The following KCNU1 variants were observed in gnomAD, a reference collection of about 807,000 sequenced individuals.
The protein encoded by KCNU1 is potassium channel subfamily U member 1.
A neutral mutation model predicts 126.8 loss-of-function variants in KCNU1; 93 were observed. That is an observed-to-expected ratio of 0.73 (90% CI 0.62 to 0.87). KCNU1 has a LOEUF of 0.87. KCNU1 is among the 40% of genes least tolerant of loss of function. The pLI is 0.00. For missense variants in KCNU1, 1,330 were observed against 1,367.1 expected (o/e 0.97, Z 0.43); for synonymous variants, 523 against 494.2 (o/e 1.06, Z -0.77).
chr8:36,908,735 G>T (rs935010414), intron 20 of KCNU1, among the ~76,000 whole-genome samples: 1 of 151,884 alleles, frequency 6.6e-6, no homozygotes, highest in Non-Finnish European at 1.5e-5. Flanking sequence ...GGAGTCTATA[G>T]AATCAGTTCA....
chr8:36,910,909 T>C, intron 21 of KCNU1, 21 bp from the exon 22 acceptor site: 2 of 1,523,278 alleles, frequency 1.3e-6, no homozygotes, highest in South Asian at 1.2e-5. Flanking sequence ...CAGTGCCTCC[T>C]CTCTCTTTTC....
At chr8:36,920,027 T>C (rs1163669653) in intron 23 of KCNU1, among the ~76,000 whole-genome samples, 1 of 152,194 alleles carries the variant, frequency 6.6e-6, no homozygotes, top group Non-Finnish European at 1.5e-5. Flanking sequence ...CCTAGACCCC[T>C]GGATCCTAGT....
At chr8:36,887,114 G>T (rs1249203419) in intron 19 of KCNU1, among the ~76,000 whole-genome samples, 5 of 152,040 alleles carry the variant, frequency 3.3e-5, no homozygotes, top group Non-Finnish European at 5.9e-5. Context: ...ACATATGTGT[G>T]CAGGGGTCTT....
intron 19 of KCNU1, among the ~76,000 whole-genome samples, chr8:36,875,533 C>T (rs1435240274): frequency 6.6e-6 from 1 of 151,544 alleles, no homozygotes; most frequent in Admixed American, 6.6e-5. Flanking sequence ...GCAAAGTTTA[C>T]AGACTTTGAT....
chr8:36,889,147 T>G (rs778809904), intron 19 of KCNU1: 19 of 533,822 alleles, frequency 3.6e-5, no homozygotes, highest in Middle Eastern at 6.3e-4. Context: ...CCAAAGTGCT[T>G]GGATTACAGG....
intron 10 of KCNU1, among the ~76,000 whole-genome samples, chr8:36,830,492 C>G (rs1804496046): frequency 2.0e-5 from 3 of 152,078 alleles, no homozygotes; most frequent in South Asian, 4.1e-4. Context: ...TAATGTGAAT[C>G]TCACGGATAT....
intron 10 of KCNU1, among the ~76,000 whole-genome samples, chr8:36,826,386 T>G (rs1301445475): frequency 6.6e-6 from 1 of 151,914 alleles, no homozygotes; most frequent in African/African-American, 2.4e-5. Flanking sequence ...ATTTTTGTAT[T>G]GTTAGTAGAG....
intron 12 of KCNU1, among the ~76,000 whole-genome samples, chr8:36,835,170 T>A (rs750065164): frequency 1.3e-5 from 2 of 152,202 alleles, no homozygotes; most frequent in Non-Finnish European, 2.9e-5. Context: ...ATTGTTCAGA[T>A]AGAACCATTA....
intron 7 of KCNU1, among the ~76,000 whole-genome samples, chr8:36,809,799 T>A (rs1268773325): frequency 1.3e-5 from 2 of 152,180 alleles, no homozygotes; most frequent in African/African-American, 4.8e-5. Context: ...TTCTTTTTCC[T>A]TTAATAGCTG....
intron 10 of KCNU1, among the ~76,000 whole-genome samples, chr8:36,831,012 G>A (rs1254014421): frequency 2.0e-5 from 3 of 148,480 alleles, no homozygotes; most frequent in African/African-American, 5.0e-5. Flanking sequence ...TGCAGTATTT[G>A]GTTTTTTGTT....
intron 21 of KCNU1, among the ~76,000 whole-genome samples, chr8:36,909,903 G>T (rs1052063345): frequency 3.9e-5 from 6 of 152,100 alleles, no homozygotes; most frequent in African/African-American, 1.4e-4. Flanking sequence ...TAATTTAATG[G>T]CTACACCTAA....
intron 19 of KCNU1, among the ~76,000 whole-genome samples, chr8:36,879,845 G>A (rs369928451): frequency 2.0e-5 from 3 of 152,282 alleles, no homozygotes; most frequent in African/African-American, 7.2e-5. Flanking sequence ...GTAAAAGATT[G>A]GTTTATGGTT....
At chr8:36,843,106 C>T (rs1805016720) in intron 16 of KCNU1, among the ~76,000 whole-genome samples, 1 of 152,158 alleles carries the variant, frequency 6.6e-6, no homozygotes, top group Non-Finnish European at 1.5e-5. Flanking sequence ...GAAACTACAA[C>T]CACATGCCCT....
At chr8:36,864,680 A>C (rs567325677) in intron 19 of KCNU1, among the ~76,000 whole-genome samples, 159 bp downstream of exon 19, 2 of 152,156 alleles carry the variant, frequency 1.3e-5, no homozygotes, top group Non-Finnish European at 2.9e-5. Context: ...TGCCCATATC[A>C]TTAAGCTAAT....
chr8:36,899,144 A>G (rs1807316066), intron 19 of KCNU1, among the ~76,000 whole-genome samples: 1 of 152,118 alleles, frequency 6.6e-6, no homozygotes, highest in Non-Finnish European at 1.5e-5. Context: ...GTTTTTACTC[A>G]TCAGAAATAA....
At chr8:36,830,205 C>G (rs562277086) in intron 10 of KCNU1, among the ~76,000 whole-genome samples, 1 of 150,850 alleles carries the variant, frequency 6.6e-6, no homozygotes, top group Non-Finnish European at 1.5e-5. Context: ...AGGAAATAAA[C>G]TATTTGTCTG....
chr8:36,811,328 T>G (rs72631202), intron 7 of KCNU1, among the ~76,000 whole-genome samples: 6,095 of 152,094 alleles, frequency 0.04, 167 homozygotes, highest in Non-Finnish European at 0.06. Flanking sequence ...TAATCATATA[T>G]TGGAGCAGTT....
intron 19 of KCNU1, among the ~76,000 whole-genome samples, chr8:36,899,352 G>A (rs1208934131): frequency 1.3e-5 from 2 of 152,028 alleles, no homozygotes; most frequent in East Asian, 3.9e-4. Context: ...CCATGAGTTT[G>A]ACAGAGCCCA....
chr8:36,875,906 T>A (rs1380684632), intron 19 of KCNU1, among the ~76,000 whole-genome samples: 2 of 152,190 alleles, frequency 1.3e-5, no homozygotes, highest in Non-Finnish European at 2.9e-5. Flanking sequence ...AGCATAGATA[T>A]CTGCTGCCAG....
Sources: gnomAD v4.1 joint callset for allele counts (sites outside exome capture counted in the v4.1 genomes callset) on GRCh38, gnomAD v4.1.1 for gene constraint, MANE v1.5 for transcripts, NCBI Gene and HGNC (gene_info 2026-07-23, HGNC 2026-07-21) for gene names.